The following TANK variants were observed in gnomAD, a reference collection of about 807,000 sequenced individuals.
The protein encoded by TANK is TRAF family member-associated NF-kappa-B activator.
A neutral mutation model predicts 43.6 loss-of-function variants in TANK; 15 were observed. The observed-to-expected ratio is 0.34, with a 90% CI of 0.23 to 0.53. TANK has a LOEUF of 0.53. Ranked by LOEUF, TANK falls within the 20% of genes least tolerant of loss-of-function variation. The pLI, the probability that TANK is intolerant of heterozygous loss-of-function variation, is 0.94. For missense variants in TANK, 417 were observed against 498.6 expected (o/e 0.84, Z 1.56); for synonymous variants, 162 against 178.2 (o/e 0.91, Z 0.73).
chr2:161,156,846 G>C (rs1183175561), upstream of TANK, among the ~76,000 whole-genome samples: 1 of 152,164 alleles, frequency 6.6e-6, no homozygotes, highest in Non-Finnish European at 1.5e-5. Context: ...TGGTTAATCA[G>C]AAACAATGAT....
At chr2:161,212,332 A>C in intron 4 of TANK, 1 of 969,140 alleles carries the variant, frequency 1.0e-6, no homozygotes, top group Non-Finnish European at 1.2e-6. Flanking sequence ...TAGTGCTAGG[A>C]TTACAGGTGT....
At chr2:161,204,285 G>A (rs1025930949) in intron 3 of TANK, among the ~76,000 whole-genome samples, 20 of 151,944 alleles carry the variant, frequency 1.3e-4, no homozygotes, top group African/African-American at 4.8e-4. Context: ...ATTCTTTTTG[G>A]CTGTCTGCAT....
At chr2:161,205,684 T>G (rs1481149788) in intron 4 of TANK, among the ~76,000 whole-genome samples, 1 of 152,208 alleles carries the variant, frequency 6.6e-6, no homozygotes. Flanking sequence ...TAAAATATAC[T>G]AAATATATAT....
chr2:161,157,519 A>G (rs1183271094), upstream of TANK, among the ~76,000 whole-genome samples: 1 of 152,196 alleles, frequency 6.6e-6, no homozygotes, highest in Admixed American at 6.5e-5. Flanking sequence ...GTCATCGTAA[A>G]TCAGAAGTCA....
intron 1 of TANK, among the ~76,000 whole-genome samples, chr2:161,149,100 T>C (rs576117962): frequency 6.6e-6 from 1 of 152,300 alleles, no homozygotes; most frequent in East Asian, 1.9e-4. Flanking sequence ...ATCTTAATAA[T>C]ATTAAGTCTT....
At chr2:161,194,139 T>A (rs756748903) in intron 2 of TANK, among the ~76,000 whole-genome samples, 2 of 152,156 alleles carry the variant, frequency 1.3e-5, no homozygotes, top group Admixed American at 6.5e-5. Flanking sequence ...AATTAAAACA[T>A]CTGAAACTGT....
At chr2:161,195,159 T>G (rs1333573108) in intron 2 of TANK, among the ~76,000 whole-genome samples, 1 of 152,206 alleles carries the variant, frequency 6.6e-6, no homozygotes, top group African/African-American at 2.4e-5. Context: ...TAATAAAGAA[T>G]TAATGATATT....
At chr2:161,164,547 C>T (rs192207386) in intron 1 of TANK, among the ~76,000 whole-genome samples, 19 of 152,230 alleles carry the variant, frequency 1.2e-4, no homozygotes, top group Admixed American at 1.3e-4. Context: ...AAATGAACTA[C>T]CTTTTCAGTG....
chr2:161,184,420 A>G (rs1367142855), intron 2 of TANK, among the ~76,000 whole-genome samples: 1 of 152,202 alleles, frequency 6.6e-6, no homozygotes, highest in Non-Finnish European at 1.5e-5. Context: ...ATGCACTTTA[A>G]TATATGTATT....
intron 2 of TANK, among the ~76,000 whole-genome samples, chr2:161,188,733 A>G (rs1402975793): frequency 6.6e-6 from 1 of 152,232 alleles, no homozygotes; most frequent in Admixed American, 6.5e-5. Flanking sequence ...ACAGACTAGT[A>G]TCACTTATGA....
chr2:161,163,526 A>G (rs1684537425), intron 1 of TANK: 1 of 152,172 alleles, frequency 6.6e-6, no homozygotes, highest in Non-Finnish European at 1.5e-5. Flanking sequence ...TACAGAAGCA[A>G]GGGTATTGCT....
At chr2:161,208,788 T>C (rs1034660183) in intron 4 of TANK, among the ~76,000 whole-genome samples, 4 of 152,186 alleles carry the variant, frequency 2.6e-5, no homozygotes, top group Admixed American at 6.5e-5. Context: ...GTAAGGGATC[T>C]GAGAGAGAGA....
intron 2 of TANK, among the ~76,000 whole-genome samples, chr2:161,192,361 A>G (rs912475156): frequency 6.6e-6 from 1 of 152,198 alleles, no homozygotes; most frequent in Admixed American, 6.5e-5. Context: ...CCCTAAATTT[A>G]CTTCACATAA....
rs190362198 is a variant in TANK, at chr2:161,147,420, C to T, written c.-50+10357C>T. On this transcript the variant is annotated intron_variant, in intron 1 of 7. Coordinates refer to the TANK transcript ENST00000259075. ...TGGCTGTTGAGAATCAGTGCAACTC[C>T]GTGCTTGGGAGGCTAGGCCTGGTGG... Among the ~76,000 whole-genome samples, 38 of 65,228 alleles carry T rather than the reference C, an allele frequency of 5.8e-4. No individual in the cohort carries two copies. In the East Asian group the frequency reaches 6.2e-3, roughly 11 times the overall value. 42.8% of individuals were successfully genotyped at this position (65,228 alleles called of 152,430 possible).
At chr2:161,232,932 G>C in intron 7 of TANK, 1 of 1,387,530 alleles carries the variant, frequency 7.2e-7, no homozygotes. Context: ...AAAAAGCAAA[G>C]AAATTAGTTT....
chr2:161,174,296 T>C (rs1048612714), intron 1 of TANK, among the ~76,000 whole-genome samples: 2 of 152,142 alleles, frequency 1.3e-5, no homozygotes, highest in Admixed American at 6.6e-5. Flanking sequence ...ATAAATGTTA[T>C]TGAATAAACA....
intron 1 of TANK, among the ~76,000 whole-genome samples, chr2:161,164,713 T>C (rs1355948384): frequency 6.6e-6 from 1 of 152,194 alleles, no homozygotes; most frequent in Non-Finnish European, 1.5e-5. Flanking sequence ...TCCTAATCTA[T>C]AAAAGCTTTT....
intron 4 of TANK, among the ~76,000 whole-genome samples, chr2:161,210,451 A>ACCAGACTG (rs1686828665): frequency 6.6e-6 from 1 of 152,214 alleles, no homozygotes; most frequent in South Asian, 2.1e-4. Flanking sequence ...GGAAATGACA[A>ACCAGACTG]TATGGAGACC....
intron 2 of TANK, among the ~76,000 whole-genome samples, chr2:161,194,864 C>T (rs74954667): frequency 6.6e-6 from 1 of 151,806 alleles, no homozygotes. Context: ...TTTTTTCCCC[C>T]AACAACATAT....
Sources: allele counts gnomAD v4.1 joint callset (sites outside exome capture counted in the v4.1 genomes callset), GRCh38; gene constraint gnomAD v4.1.1; transcripts MANE v1.5; gene names NCBI Gene and HGNC (gene_info 2026-07-23, HGNC 2026-07-21).